Variants in MTAP observed in about 807,000 individuals in gnomAD.
MTAP encodes S-methyl-5'-thioadenosine phosphorylase.
In MTAP, 33 loss-of-function variants were observed where a neutral mutation model predicts 33.6. The observed-to-expected ratio is 0.98, with a 90% confidence interval of 0.74 to 1.31. MTAP has a LOEUF of 1.31. Among genes scored for constraint, MTAP ranks in the 40% most tolerant of loss-of-function variants. The pLI, the probability that MTAP is intolerant of heterozygous loss-of-function variation, is 0.00. For missense variants in MTAP, 367 were observed against 360.0 expected (o/e 1.02, Z -0.16); for synonymous variants, 148 against 125.7 (o/e 1.18, Z -1.19).
chr9:21,884,616 G>A (rs1047897772), intron 1 of MTAP, among the ~76,000 whole-genome samples: 32 of 152,156 alleles, frequency 2.1e-4, no homozygotes, highest in African/African-American at 6.7e-4. Flanking sequence ...CCCACTTTTT[G>A]GCTTGTAGAC....
intron 1 of MTAP, among the ~76,000 whole-genome samples, chr9:21,885,610 A>G (rs977506723): frequency 2.0e-5 from 3 of 152,058 alleles, no homozygotes; most frequent in South Asian, 4.1e-4. Context: ...AAAATTCATT[A>G]TATCATTCTT....
Position 21,863,612 on chromosome 9 carries a change from G to C in MTAP, c.*1598G>C. On this transcript the variant is annotated 3_prime_UTR_variant, in exon 8 of 8. Coordinates refer to ENST00000644715, the MANE Select transcript of MTAP (RefSeq NM_002451.4). The stretch of plus-strand genomic sequence containing the variant: ...CACTCCAGCCTGGGCAACAGAGTAA[G>C]ACTCAGTCTCAAAAAAAAAAAAAAG... The C allele has an allele frequency of 1.0e-6, 1 of 959,530 alleles. No homozygotes were observed. Among genetic ancestry groups the C allele is most frequent in the Non-Finnish European group, 1.2e-6 (1 of 820,986 alleles). 59.4% of individuals were successfully genotyped at this position (959,530 alleles called of 1,614,324 possible).
In MTAP at chr9:21,918,042, G is replaced by A. The variant is rs541747686; in HGVS notation, c.148-12966G>A. Among the ~76,000 whole-genome samples, 297 of 152,112 alleles carry A rather than the reference G, an allele frequency of 2.0e-3. 5 individuals are homozygous for A. Among genetic ancestry groups the A allele is most frequent in the Non-Finnish European group, 5.0e-4 (34 of 68,026 alleles). On this transcript the variant is annotated intron_variant, in intron 1 of 1. Coordinates refer to the MTAP transcript ENST00000577563. ...ACTTACAAGTGGAACTTAGCTATAA[G>A]GATGCAAAGGCATAAGAGTGATTAA...
chr9:21,882,309 T>G (rs954169790), intron 1 of MTAP, among the ~76,000 whole-genome samples: 7 of 152,020 alleles, frequency 4.6e-5, no homozygotes, highest in Admixed American at 4.6e-4. Context: ...GTTGCTAAAC[T>G]GTGTACTTAA....
chr9:21,827,416 C>T (rs116238333), intron 4 of MTAP, among the ~76,000 whole-genome samples: 101 of 152,346 alleles, frequency 6.6e-4, no homozygotes, highest in Admixed American at 1.8e-3. Context: ...AATTTCCAGT[C>T]TATCAGAAGC....
intron 1 of MTAP, among the ~76,000 whole-genome samples, chr9:21,923,710 T>C (rs77728318): frequency 4.6e-5 from 7 of 152,196 alleles, no homozygotes; most frequent in East Asian, 3.9e-4. Flanking sequence ...GCTTAAGGAC[T>C]CTCAAGGTCA....
chr9:21,935,003 C>T (rs1203345373), downstream of MTAP: 1 of 151,850 alleles, frequency 6.6e-6, no homozygotes, highest in Non-Finnish European at 1.5e-5. Flanking sequence ...CCGGCCTTAA[C>T]TTTTTTTTAG....
chr9:21,912,806 T>C (rs766800144), intron 1 of MTAP, among the ~76,000 whole-genome samples: 14 of 152,170 alleles, frequency 9.2e-5, no homozygotes, highest in Non-Finnish European at 1.6e-4. Flanking sequence ...GAGAAAGATA[T>C]AAAGGGTATT....
intron 1 of MTAP, among the ~76,000 whole-genome samples, chr9:21,876,508 C>T (rs987363990): frequency 4.6e-5 from 7 of 152,056 alleles, no homozygotes; most frequent in Admixed American, 2.6e-4. Context: ...TGGAGTTATA[C>T]ATTTAAGTCT....
At chr9:21,841,876 A>G (rs1215982986) in intron 5 of MTAP, among the ~76,000 whole-genome samples, 1 of 152,190 alleles carries the variant, frequency 6.6e-6, no homozygotes, top group Non-Finnish European at 1.5e-5. Flanking sequence ...GGGTTCTGTA[A>G]CACCCCCAAA....
chr9:21,848,725 T>G (rs1825439596), intron 5 of MTAP, among the ~76,000 whole-genome samples: 1 of 152,216 alleles, frequency 6.6e-6, no homozygotes, highest in South Asian at 2.1e-4. Context: ...CACTGGGATC[T>G]TTGAAGAGCC....
At chr9:21,825,101 C>T (rs112566901) in intron 4 of MTAP, among the ~76,000 whole-genome samples, 1,953 of 152,220 alleles carry the variant, frequency 0.013, 32 homozygotes, top group African/African-American at 0.045. Flanking sequence ...GGGCTGCACC[C>T]GCTCTCCGGC....
intron 1 of MTAP, chr9:21,892,814 C>G (rs1378438401): frequency 1.3e-5 from 2 of 152,170 alleles, no homozygotes; most frequent in Non-Finnish European, 2.9e-5. Flanking sequence ...CCAACAACAA[C>G]AGAATATACA....
intron 6 of MTAP, chr9:21,859,056 G>A (rs531673452): frequency 6.4e-6 from 2 of 310,592 alleles, no homozygotes; most frequent in Non-Finnish European, 5.8e-6. Flanking sequence ...AGGGGCCCTC[G>A]AAGAATAGCA....
chr9:21,928,149 T>A (rs1156281218), intron 1 of MTAP, among the ~76,000 whole-genome samples: 1 of 152,154 alleles, frequency 6.6e-6, no homozygotes, highest in African/African-American at 2.4e-5. Context: ...AAGAAACCAA[T>A]GGATGGTACA....
In MTAP at chr9:21,915,055, C is replaced by CCTTTCTTTCTTTCTTT. The variant is rs1222666142; in HGVS notation, c.148-15939_148-15924dup. Among the ~76,000 whole-genome samples the CCTTTCTTTCTTTCTTT allele has an allele frequency of 4.3e-3, 110 of 25,698 alleles. 4 individuals carry two copies. Among genetic ancestry groups the CCTTTCTTTCTTTCTTT allele is most frequent in the East Asian group, 0.018 (8 of 450 alleles). The allele number at this position is 25,698 out of a possible 152,430, so 16.9% of individuals were successfully genotyped here. On this transcript the variant is annotated intron_variant, in intron 1 of 1. Transcript: ENST00000577563. ...TCCTTCCTTCCTTCCTTCCTTCCTTCCTTTCTTTCTTTCTTTCTTTCTTTC... is the reference window on the plus strand; with the variant it reads ...TCCTTCCTTCCTTCCTTCCTTCCTTCCTTTCTTTCTTTCTTTCTTTCTTTCTTTCTTTCTTTCTTTC...
chr9:21,892,329 T>A (rs1025486725), intron 1 of MTAP: 4 of 152,082 alleles, frequency 2.6e-5, no homozygotes, highest in Admixed American at 2.6e-4. Context: ...ACAGTGGCAA[T>A]TTGGATAAAG....
At chr9:21,890,357 C>G (rs1402808254) in intron 1 of MTAP, among the ~76,000 whole-genome samples, 2 of 152,196 alleles carry the variant, frequency 1.3e-5, no homozygotes, top group Non-Finnish European at 2.9e-5. Flanking sequence ...CTACATGTCT[C>G]CTTGCTGAGA....
intron 6 of MTAP, among the ~76,000 whole-genome samples, chr9:21,856,712 A>G (rs1182770820): frequency 2.6e-5 from 4 of 152,224 alleles, no homozygotes; most frequent in African/African-American, 7.2e-5. Context: ...GTAAGTGGAA[A>G]GGCTTGAAGA....
Sources: gnomAD v4.1 joint callset for allele counts (sites outside exome capture counted in the v4.1 genomes callset) on GRCh38, gnomAD v4.1.1 for gene constraint, MANE v1.5 for transcripts, NCBI Gene and HGNC (gene_info 2026-07-23, HGNC 2026-07-21) for gene names.